RANGRF: variants seen among roughly 807,000 people sequenced by gnomAD.
RANGRF encodes the protein RAN guanine nucleotide release factor.
RANGRF carries 17 observed loss-of-function variants against 21.8 expected under a neutral mutation model. That is an observed-to-expected ratio of 0.78 (90% CI 0.53 to 1.17). The LOEUF is 1.17. Ranked by LOEUF, RANGRF falls within the 50% of genes most tolerant of loss-of-function variation. The pLI is 0.00. For missense variants in RANGRF, 225 were observed against 235.5 expected, an observed-to-expected ratio of 0.96 and a Z score of 0.29; for synonymous variants, 97 against 94.3, an observed-to-expected ratio of 1.03 and a Z score of -0.17.
intron 1 of RANGRF, 31 bp from the exon 2 acceptor site, chr17:8,288,925 G>C: frequency 6.2e-7 from 1 of 1,613,944 alleles, no homozygotes; most frequent in Non-Finnish European, 8.5e-7. Flanking sequence ...AGAGACCGGG[G>C]TCAACCAGGG....
chr17:8,289,375 C>G lies in RANGRF; in HGVS notation c.312C>G (p.Val104=), dbSNP rs149089464. The change falls in exon 3 of 5, where the codon GTC becomes GTG. Residue 104 remains valine, a synonymous_variant. Transcript: ENST00000226105. Reference sequence around the variant, plus strand: ...GGGGCCGCTGTCAAGAAGCCTGGGTCCTCTCTGGCAAGCAGCAGATAGCTA... The same window carrying G: ...GGGGCCGCTGTCAAGAAGCCTGGGTGCTCTCTGGCAAGCAGCAGATAGCTA... ...ALRGRCQEAW[V]LSGKQQIAKE... 3.2e-5 allele frequency: 52 copies of G among 1,614,076 alleles called. No homozygotes were observed. The African/African-American group carries it at 6.0e-4, about 19-fold the overall frequency.
rs1446723169 is a variant in RANGRF at position 8,289,020 on chromosome 17, A to G, written c.142A>G (p.Ile48Val). Residue 48 changes from isoleucine to valine, a missense_variant, in exon 2 of 5, where the codon ATA becomes GTA. Coordinates refer to ENST00000226105, the MANE Select transcript of RANGRF (RefSeq NM_016492.5). ...FCHPVTDQSLIVELLELQAHV... is the reference protein window; with the variant it reads ...FCHPVTDQSLVVELLELQAHV... ...CCATCCCGTGACGGACCAGAGCCTG[A>G]TAGTGGAACTTCTCGAGCTGCAGGC... The G allele has an allele frequency of 6.2e-7, 1 of 1,614,072 alleles. No homozygotes were observed. The highest frequency in any genetic ancestry group is 8.5e-7 in the Non-Finnish European group (1 of 1,180,024).
chr17:8,289,627 T>G (rs1990321538), intron 4 of RANGRF, 39 bp downstream of exon 4: 1 of 1,607,460 alleles, frequency 6.2e-7, no homozygotes, highest in Non-Finnish European at 8.5e-7. Flanking sequence ...CATGACTGGG[T>G]TCCCAGGAGA....
rs1278534467 is a variant in RANGRF at position 8,288,774 on chromosome 17, C to T, written c.-15C>T. On this transcript the variant is annotated 5_prime_UTR_variant, in exon 1 of 5. Transcript: ENST00000226105. ...TTTTAAACCTTTCTAATGCCCATAACCCAGCCTCAGACCCATGGAGCCCAC... is the reference window on the plus strand; with the variant it reads ...TTTTAAACCTTTCTAATGCCCATAATCCAGCCTCAGACCCATGGAGCCCAC... 6.2e-7 allele frequency: 1 copy of T among 1,613,886 alleles called. No individual in the cohort carries two copies. Among genetic ancestry groups the T allele is most frequent in the Admixed American group, 1.7e-5 (1 of 60,026 alleles).
Position 8,289,346 on chromosome 17 carries a change from C to T in RANGRF, c.283C>T (p.Leu95=). 1 of 1,614,158 alleles carries T rather than the reference C, an allele frequency of 6.2e-7. No homozygotes were observed. The highest frequency in any genetic ancestry group is 1.7e-4 in the Middle Eastern group (1 of 6,054). The change falls in exon 3 of 5, where the codon CTG becomes TTG. Residue 95 remains leucine, a synonymous_variant. Coordinates refer to ENST00000226105, the MANE Select transcript of RANGRF (RefSeq NM_016492.5). ...GCCTCTCAGTTTGGAGAACCTGGCC[C>T]TGAGGGGCCGCTGTCAAGAAGCCTG... ...VQPLSLENLA[L]RGRCQEAWVL...
rs1990358187 is a variant in RANGRF, at chr17:8,289,991, G to A, written c.*55G>A. On this transcript the variant is annotated 3_prime_UTR_variant, in exon 5 of 5. Transcript: ENST00000226105. ...AGAACTTGGGGACTCGGTTCTGTGAGGGGGAAAAGAGGTTGAAAAGAGGGT... is the reference window on the plus strand; with the variant it reads ...AGAACTTGGGGACTCGGTTCTGTGAAGGGGAAAAGAGGTTGAAAAGAGGGT... 2.5e-6 allele frequency: 4 copies of A among 1,610,464 alleles called. No homozygotes were observed. In the South Asian group the frequency reaches 3.3e-5, roughly 13 times the overall value.
In RANGRF at chr17:8,288,712, C is replaced by T. The variant is rs993063336; in HGVS notation, c.-77C>T. ...CGGGTGGCGGTGGCAGCTGCGAAAC[C>T]CAGGGAGCCGATGCCACGTGACCCA... On this transcript the variant is annotated 5_prime_UTR_variant, in exon 1 of 5. Transcript: ENST00000226105. 1.0e-5 allele frequency: 16 copies of T among 1,535,154 alleles called. No individual in the cohort carries two copies. The highest frequency in any genetic ancestry group is 1.4e-5 in the Non-Finnish European group (16 of 1,109,556).
intron 2 of RANGRF, 67 bp from the exon 3 acceptor site, chr17:8,289,191 C>A (rs372709645): frequency 7.0e-5 from 112 of 1,603,380 alleles, no homozygotes; most frequent in Non-Finnish European, 7.5e-5. Context: ...GCCAGGCCTG[C>A]AACTTAAAGA....
At position 8,289,583 on chromosome 17, in the gene RANGRF, G is replaced by GC; in HGVS notation, c.437dup (p.Asp148Ter). On this transcript the variant is annotated frameshift_variant, in exon 4 of 5. Coordinates refer to ENST00000226105, the MANE Select transcript of RANGRF (RefSeq NM_016492.5). LOFTEE classifies it high-confidence loss of function. ...CTGATCTCTTGCTTACCTTCAATCA[G>GC]CCCCCGTAAGGAGGAAGGAACGGGC... is the stretch of plus-strand genomic sequence containing the variant. The GC allele has an allele frequency of 6.2e-7, 1 of 1,612,528 alleles. No individual in the cohort carries two copies. The highest frequency in any genetic ancestry group is 8.5e-7 in the Non-Finnish European group (1 of 1,178,692).
Position 8,289,487 on chromosome 17 carries a change from A to C in RANGRF, c.352-16A>C. On this transcript the variant is annotated splice_polypyrimidine_tract_variant and intron_variant, in intron 3 of 4. Coordinates refer to ENST00000226105, the MANE Select transcript of RANGRF (RefSeq NM_016492.5). Reference sequence around the variant, plus strand: ...CGCAGAGATCCAGGTAAGCATCCTGACTCTGATCCCCTTAGGTAGCAAAGG... The same window carrying C: ...CGCAGAGATCCAGGTAAGCATCCTGCCTCTGATCCCCTTAGGTAGCAAAGG... The C allele has an allele frequency of 1.2e-5, 20 of 1,614,046 alleles. No homozygotes were observed. The highest frequency in any genetic ancestry group is 1.7e-5 in the Non-Finnish European group (20 of 1,180,006).
Position 8,289,539 on chromosome 17 carries a change from A to C in RANGRF, c.388A>C (p.Arg130=). 3.7e-6 allele frequency: 6 copies of C among 1,614,154 alleles called. No homozygotes were observed. Among genetic ancestry groups the C allele is most frequent in the Non-Finnish European group, 5.1e-6 (6 of 1,180,024 alleles). ...CGTGACACTTCATCAGGCCTTGCTG[A>C]GGCTGCCCCAGTACCAGACTGATCT... The part of the protein sequence containing the change: ...KDVTLHQALL[R]LPQYQTDLLL... The change falls in exon 4 of 5, where the codon AGG becomes CGG. Residue 130 remains arginine (R), a synonymous_variant. Transcript: ENST00000226105.
chr17:8,289,916 A>G lies in RANGRF; in HGVS notation c.541A>G (p.Asn181Asp). 6.2e-7 allele frequency: 1 copy of G among 1,614,116 alleles called. No individual in the cohort carries two copies. The change falls in exon 5 of 5, where the codon AAC becomes GAC. Residue 181 changes from asparagine (N) to aspartate (D), a missense_variant. Physicochemically the swap from Asn to Asp is conservative, Grantham distance 23. Transcript: ENST00000226105. Reference protein sequence around the residue: ...LVTSLTLHDPNIFGPQ With the variant: ...LVTSLTLHDPDIFGPQ ...GACCAGTCTGACCCTTCACGATCCTAACATCTTTGGTCCCCAGTAAAGGCG... is the reference window on the plus strand; with the variant it reads ...GACCAGTCTGACCCTTCACGATCCTGACATCTTTGGTCCCCAGTAAAGGCG...
Position 8,289,708 on chromosome 17 carries a change from G to T in RANGRF, c.438-105G>T, listed in dbSNP as rs1990329553. On this transcript the variant is annotated intron_variant, in intron 4 of 4. Transcript: ENST00000226105. ...TCCAAGGAAGCAGGAGTGGGCCAGA[G>T]GTTTGGGGTAACTGATACCCAGGTC... is the stretch of plus-strand genomic sequence containing the variant. 3 of 1,613,164 alleles carry T rather than the reference G, an allele frequency of 1.9e-6. No individual in the cohort carries two copies. In the African/African-American group the frequency reaches 4.0e-5, roughly 21 times the overall value.
chr17:8,289,411 G>GC lies in RANGRF; in HGVS notation c.349dup (p.Gln117ProfsTer21). ...AGCAGCAGATAGCTAAGGAAAACCAGCAGGTGAGGGCCCGAGAGTGTGTAA... is the reference window on the plus strand; with the variant it reads ...AGCAGCAGATAGCTAAGGAAAACCAGCCAGGTGAGGGCCCGAGAGTGTGTAA... On this transcript the variant is annotated frameshift_variant, in exon 3 of 5. Coordinates refer to ENST00000226105, the MANE Select transcript of RANGRF (RefSeq NM_016492.5). LOFTEE classifies it high-confidence loss of function. 1 of 1,614,048 alleles carries GC rather than the reference G, an allele frequency of 6.2e-7. No individual in the cohort carries two copies.
chr17:8,289,355 C>G lies in RANGRF; in HGVS notation c.292C>G (p.Arg98Gly). 1 of 1,614,130 alleles carries G rather than the reference C, an allele frequency of 6.2e-7. No homozygotes were observed. Among genetic ancestry groups the G allele is most frequent in the Non-Finnish European group, 8.5e-7 (1 of 1,180,018 alleles). The change falls in exon 3 of 5, where the codon CGC (arginine) becomes GGC (glycine). Residue 98 changes from arginine (R) to glycine (G), a missense_variant. Transcript: ENST00000226105. The stretch of plus-strand genomic sequence containing the variant: ...TTTGGAGAACCTGGCCCTGAGGGGC[C>G]GCTGTCAAGAAGCCTGGGTCCTCTC... ...LSLENLALRGRCQEAWVLSGK... is the reference protein window; with the variant it reads ...LSLENLALRGGCQEAWVLSGK...
rs112723178 is a variant in RANGRF at position 8,290,073 on chromosome 17, T to G, written c.*137T>G. 1 of 1,549,296 alleles carries G rather than the reference T, an allele frequency of 6.5e-7. No homozygotes were observed. The highest frequency in any genetic ancestry group is 8.7e-7 in the Non-Finnish European group (1 of 1,147,102). Reference sequence around the variant, plus strand: ...AAGACAATCCCTCTTCAGAATAAACTTGCTTTATAATCAATATAATCTCTG... The same window carrying G: ...AAGACAATCCCTCTTCAGAATAAACGTGCTTTATAATCAATATAATCTCTG... On this transcript the variant is annotated 3_prime_UTR_variant, in exon 5 of 5. Coordinates refer to ENST00000226105, the MANE Select transcript of RANGRF (RefSeq NM_016492.5).
chr17:8,289,681 C>A (rs755299799), intron 4 of RANGRF, 93 bp downstream of exon 4: 14 of 1,606,944 alleles, frequency 8.7e-6, no homozygotes, highest in Non-Finnish European at 1.2e-5. Flanking sequence ...CTGGTGGGAT[C>A]CTCCAAGGAA....
At chr17:8,289,180 A>G in intron 2 of RANGRF, 78 bp from the exon 3 acceptor site, 1 of 1,600,884 alleles carries the variant, frequency 6.2e-7, no homozygotes, top group Non-Finnish European at 8.5e-7. Context: ...ACGGGCCGGG[A>G]GCCAGGCCTG....
At position 8,288,705 on chromosome 17, in the gene RANGRF, G is replaced by T; in HGVS notation, c.-84G>T. Reference sequence around the variant, plus strand: ...CCAGACCCGGGTGGCGGTGGCAGCTGCGAAACCCAGGGAGCCGATGCCACG... The same window carrying T: ...CCAGACCCGGGTGGCGGTGGCAGCTTCGAAACCCAGGGAGCCGATGCCACG... On this transcript the variant is annotated 5_prime_UTR_variant, in exon 1 of 5. Transcript: ENST00000226105. 6.6e-7 allele frequency: 1 copy of T among 1,506,972 alleles called. No individual in the cohort carries two copies. The allele number at this position is 1,506,972 out of a possible 1,614,324, so 93.4% of individuals were successfully genotyped here. A position where few individuals can be genotyped will look rare whatever the true frequency, so the allele number is the denominator to read the frequency against.
Sources: gnomAD v4.1 joint callset for allele counts on GRCh38, gnomAD v4.1.1 for gene constraint, MANE v1.5 for transcripts, NCBI Gene and HGNC (gene_info 2026-07-23, HGNC 2026-07-21) for gene names.